TASP1: variants seen among roughly 807,000 people sequenced by gnomAD.
TASP1 encodes the protein threonine aspartase 1.
Under a neutral mutation model 56.6 loss-of-function variants are expected in TASP1, and 16 were observed. The ratio of observed to expected loss-of-function variants is 0.28; its 90% confidence interval spans 0.19 to 0.43. TASP1 has a LOEUF of 0.43. Among genes scored for constraint, TASP1 ranks in the 20% least tolerant of loss-of-function variants. TASP1 has a pLI of 1.00. For missense variants in TASP1, 393 were observed against 511.6 expected, an observed-to-expected ratio of 0.77 and a Z score of 2.24; for synonymous variants, 179 against 184.2, an observed-to-expected ratio of 0.97 and a Z score of 0.23.
the TASP1 span, among the ~76,000 whole-genome samples, chr20:13,143,074 A>C: frequency 7.9e-5 from 12 of 152,332 alleles, no homozygotes; most frequent in Admixed American, 5.9e-4. Flanking sequence ...CTCTGTGATC[A>C]TCTGCTTCAA....
the TASP1 span, chr20:13,299,414 G>A: frequency 1.4e-5 from 23 of 1,610,906 alleles, no homozygotes; most frequent in Non-Finnish European, 1.9e-5. This position sits in a 1 kb window ranked among gnomAD's most constrained non-coding sequence, Gnocchi z 5.8. Context: ...AGAGCCCCTC[G>A]GACGAGGACT....
chr20:13,255,095 A>G, the TASP1 span, among the ~76,000 whole-genome samples: 5 of 152,210 alleles, frequency 3.3e-5, no homozygotes, highest in Non-Finnish European at 5.9e-5. Context: ...CAAATACTAC[A>G]AATTAAATAA....
the TASP1 span, among the ~76,000 whole-genome samples, chr20:13,318,998 C>T: frequency 4.4e-4 from 67 of 152,112 alleles, no homozygotes; most frequent in Admixed American, 1.8e-3. Context: ...TACAACAGCA[C>T]GAGTGAACCC....
chr20:13,330,567 G>C, the TASP1 span, among the ~76,000 whole-genome samples: 458 of 152,312 alleles, frequency 3.0e-3, 2 homozygotes, highest in African/African-American at 8.8e-3. Flanking sequence ...TTATCTCCTA[G>C]AGGAGATCAT....
intron 10 of TASP1, among the ~76,000 whole-genome samples, chr20:13,516,204 A>C (rs976887660): frequency 1.3e-5 from 2 of 152,086 alleles, no homozygotes; most frequent in Non-Finnish European, 2.9e-5. Flanking sequence ...TCTGCATTTC[A>C]CAAGAACCTT....
chr20:13,543,092 C>T (rs1177389872), intron 8 of TASP1, among the ~76,000 whole-genome samples: 2 of 152,098 alleles, frequency 1.3e-5, no homozygotes, highest in African/African-American at 4.8e-5. Flanking sequence ...CTGTGTATCA[C>T]CTAAATCTCA....
the TASP1 span, among the ~76,000 whole-genome samples, chr20:13,198,486 T>G: frequency 5.3e-5 from 8 of 152,270 alleles, no homozygotes; most frequent in African/African-American, 1.9e-4. Flanking sequence ...CTCCTAATAC[T>G]ATCACATTGA....
At chr20:13,364,110 G>A in the TASP1 span, among the ~76,000 whole-genome samples, 2 of 151,824 alleles carry the variant, frequency 1.3e-5, no homozygotes, top group East Asian at 1.9e-4. Context: ...CATTTTAAAT[G>A]TTATCTGTTG....
the TASP1 span, among the ~76,000 whole-genome samples, chr20:13,186,369 A>G: frequency 6.6e-6 from 1 of 152,212 alleles, no homozygotes; most frequent in African/African-American, 2.4e-5. Context: ...GTTAGTCTCC[A>G]GTCTTCTTAT....
the TASP1 span, chr20:13,132,695 G>C: frequency 2.0e-5 from 3 of 152,082 alleles, no homozygotes; most frequent in Admixed American, 2.0e-4. Flanking sequence ...AAACAGCTCT[G>C]ATCTCTTTTA....
At position 13,483,221 on chromosome 20, in the gene TASP1, A is replaced by G; in HGVS notation, c.985+6T>C. 1 of 1,569,164 alleles carries G rather than the reference A, an allele frequency of 6.4e-7. No individual in the cohort carries two copies. Among genetic ancestry groups the G allele is most frequent in the Non-Finnish European group, 8.7e-7 (1 of 1,154,886 alleles). Reference sequence around the variant, plus strand: ...GAAGATGTAATCTTCTTAATGTTATACTTACTGATAAACTTGTTTTGCATA... The same window carrying G: ...GAAGATGTAATCTTCTTAATGTTATGCTTACTGATAAACTTGTTTTGCATA... On this transcript the variant is annotated splice_donor_region_variant and intron_variant, in intron 11 of 13. Transcript: ENST00000337743.
chr20:13,559,102 G>A lies in TASP1; in HGVS notation c.581C>T (p.Ala194Val). The A allele has an allele frequency of 1.3e-6, 2 of 1,564,768 alleles. No homozygotes were observed. Among genetic ancestry groups the A allele is most frequent in the South Asian group, 1.2e-5 (1 of 80,926 alleles). The change falls in exon 8 of 14, where the codon GCT becomes GTT. Residue 194 changes from alanine (A) to valine (V), a missense_variant. Physicochemically the swap from Ala to Val is moderately conservative, Grantham distance 64. Around this residue, in one of 3 missense-constraint regions of TASP1, gnomAD observed 293 missense variants for 354.2 expected, o/e 0.83. Transcript: ENST00000337743. ...TTTCCTCTTGTTTCTTTTAAATGCA[G>A]CTAAACTGAATCCTATAAAATAAAA... Reference protein sequence around the residue: ...PNIMTTRFSLAAFKRNKRKLE... With the variant: ...PNIMTTRFSLVAFKRNKRKLE...
intron 3 of TASP1, among the ~76,000 whole-genome samples, chr20:13,624,876 A>C (rs555917561): frequency 6.0e-4 from 91 of 151,670 alleles, no homozygotes; most frequent in Middle Eastern, 6.8e-3. Context: ...GACTGCCTTT[A>C]AGCTGTTTTC....
chr20:13,460,998 C>T lies in TASP1; in HGVS notation c.985+22229G>A, dbSNP rs140038391. ...TGATGGCTTGCAAGGCCTTGCATGG[C>T]CCTTACTACTTCTTCCAGCTCATCC... is the stretch of plus-strand genomic sequence containing the variant. On this transcript the variant is annotated intron_variant, in intron 11 of 13. Coordinates refer to ENST00000337743, the MANE Select transcript of TASP1 (RefSeq NM_017714.3). 4.5e-3 allele frequency among the ~76,000 whole-genome samples: 687 copies of T among 152,272 alleles called. 4 individuals are homozygous for T. The highest frequency in any genetic ancestry group is 0.015 in the African/African-American group (615 of 41,566).
chr20:13,316,835 G>A, the TASP1 span, among the ~76,000 whole-genome samples: 1 of 151,634 alleles, frequency 6.6e-6, no homozygotes. Context: ...TTAATACTTA[G>A]CGGTAAGAAA....
intron 10 of TASP1, among the ~76,000 whole-genome samples, chr20:13,515,854 A>C (rs1240973906): frequency 1.3e-5 from 2 of 152,146 alleles, no homozygotes; most frequent in African/African-American, 4.8e-5. Flanking sequence ...TTATCAATTT[A>C]CAAAACTCAA....
At chr20:13,221,659 G>T in the TASP1 span, 1 of 875,476 alleles carries the variant, frequency 1.1e-6, no homozygotes, top group South Asian at 5.2e-5. Context: ...GAGCCCTGGC[G>T]GGAGCCGAGG....
intron 6 of TASP1, among the ~76,000 whole-genome samples, chr20:13,575,898 C>T (rs529773840): frequency 6.6e-6 from 1 of 152,040 alleles, no homozygotes; most frequent in Non-Finnish European, 1.5e-5. Context: ...ATATTCATTC[C>T]CAGGAGACAT....
chr20:13,532,761 G>C (rs2045270644), intron 9 of TASP1, among the ~76,000 whole-genome samples: 1 of 152,060 alleles, frequency 6.6e-6, no homozygotes, highest in African/African-American at 2.4e-5. Flanking sequence ...AAAGTCATGG[G>C]GACTATAATG....
Sources: gnomAD v4.1 joint callset for allele counts (sites outside exome capture counted in the v4.1 genomes callset) on GRCh38, gnomAD v4.1.1 for gene constraint, gnomAD v4.1.1 regional missense constraint, Gnocchi (gnomAD v3.1) non-coding constraint, MANE v1.5 for transcripts, NCBI Gene and HGNC (gene_info 2026-07-23, HGNC 2026-07-21) for gene names.